PHF24: variants seen among roughly 807,000 people sequenced by gnomAD.
PHF24 encodes Galpha inhibitory interacting protein.
A neutral mutation model predicts 42.6 loss-of-function variants in PHF24; 25 were observed. The ratio of observed to expected loss-of-function variants is 0.59; its 90% CI spans 0.43 to 0.82. The LOEUF is 0.82. PHF24 is among the 40% of genes least tolerant of loss of function. PHF24 has a pLI of 0.00. For missense variants in PHF24, 470 were observed against 538.1 expected (o/e 0.87, Z 1.25); for synonymous variants, 185 against 204.8 (o/e 0.90, Z 0.83).
At chr9:34,804,229 G>A in the PHF24 span, among the ~76,000 whole-genome samples, 131 of 152,310 alleles carry the variant, frequency 8.6e-4, no homozygotes, top group African/African-American at 3.0e-3. Flanking sequence ...AGAGAGTTCA[G>A]CAATCTGAAG....
At chr9:34,934,489 A>C in the PHF24 span, among the ~76,000 whole-genome samples, 1 of 151,960 alleles carries the variant, frequency 6.6e-6, no homozygotes, top group Non-Finnish European at 1.5e-5. Context: ...GCTGTCCCTC[A>C]TTCCTCCCAG....
At chr9:34,835,692 C>A in the PHF24 span, 6 of 1,551,218 alleles carry the variant, frequency 3.9e-6, no homozygotes, top group South Asian at 7.1e-5. Flanking sequence ...CCGGCCCTAG[C>A]TGGAGGTGAT....
the PHF24 span, among the ~76,000 whole-genome samples, chr9:34,829,259 G>A: frequency 2.0e-5 from 3 of 152,168 alleles, no homozygotes; most frequent in Non-Finnish European, 4.4e-5. Context: ...TACCATGATT[G>A]GAGCAGATTT....
chr9:34,779,059 G>C, the PHF24 span, among the ~76,000 whole-genome samples: 1 of 151,996 alleles, frequency 6.6e-6, no homozygotes, highest in South Asian at 2.1e-4. Context: ...AATACTTTGA[G>C]GTAAAGATAA....
exon 8 of PHF24, chr9:34,978,611 G>A (rs1406129947): frequency 6.5e-6 from 1 of 154,524 alleles, no homozygotes; most frequent in African/African-American, 2.4e-5. Context: ...TAGAGCTCCT[G>A]GAGATCCTAA....
the PHF24 span, among the ~76,000 whole-genome samples, chr9:34,925,318 T>C: frequency 1.3e-5 from 2 of 152,246 alleles, no homozygotes; most frequent in African/African-American, 4.8e-5. Flanking sequence ...TTGACTATAA[T>C]GTTCCTCAGA....
chr9:34,936,141 G>A, the PHF24 span, among the ~76,000 whole-genome samples: 1 of 150,586 alleles, frequency 6.6e-6, no homozygotes, highest in Admixed American at 6.6e-5. Flanking sequence ...CTGTACTGCC[G>A]CCATCTCGGC....
the PHF24 span, among the ~76,000 whole-genome samples, chr9:34,848,739 G>A: frequency 6.6e-6 from 1 of 151,618 alleles, no homozygotes; most frequent in African/African-American, 2.4e-5. Context: ...TGGGCATTTA[G>A]TGCTATAAAT....
chr9:34,849,877 A>T, the PHF24 span, among the ~76,000 whole-genome samples: 1 of 152,004 alleles, frequency 6.6e-6, no homozygotes, highest in African/African-American at 2.4e-5. Context: ...GTTTGGCTGG[A>T]TATGAAATTC....
chr9:34,828,951 C>CTA, the PHF24 span, among the ~76,000 whole-genome samples: 5 of 151,982 alleles, frequency 3.3e-5, no homozygotes, highest in East Asian at 1.9e-4. Context: ...ATATCTATGT[C>CTA]TGTCTGTCAT....
chr9:34,713,517 A>G, the PHF24 span, among the ~76,000 whole-genome samples: 1 of 152,048 alleles, frequency 6.6e-6, no homozygotes, highest in Non-Finnish European at 1.5e-5. Flanking sequence ...CCTGCTTGTT[A>G]TAAGTGTCCA....
chr9:34,960,536 A>T (rs1041433315), intron 1 of PHF24, among the ~76,000 whole-genome samples: 5 of 152,200 alleles, frequency 3.3e-5, no homozygotes, highest in Non-Finnish European at 7.3e-5. Context: ...AGATCAGAAT[A>T]AATAGGTAGG....
the PHF24 span, among the ~76,000 whole-genome samples, chr9:34,801,840 A>C: frequency 6.6e-6 from 1 of 151,272 alleles, no homozygotes; most frequent in Non-Finnish European, 1.5e-5. Flanking sequence ...GTTCTCACTC[A>C]TAAGTGGGAG....
chr9:34,918,002 A>G, the PHF24 span: 1 of 1,335,750 alleles, frequency 7.5e-7, no homozygotes, highest in Non-Finnish European at 1.1e-6. Flanking sequence ...CCATCAAGAA[A>G]TTAAGCAAGC....
chr9:34,963,543 C>T (rs918479775), intron 1 of PHF24, among the ~76,000 whole-genome samples: 2 of 152,060 alleles, frequency 1.3e-5, no homozygotes, highest in Non-Finnish European at 2.9e-5. Flanking sequence ...AAACCCAGGA[C>T]AAAGGAAGTG....
At chr9:34,687,344 A>G in the PHF24 span, among the ~76,000 whole-genome samples, 1 of 152,060 alleles carries the variant, frequency 6.6e-6, no homozygotes, top group African/African-American at 2.4e-5. Flanking sequence ...TGTCTATGCA[A>G]ATGCTGGCGG....
At chr9:34,888,521 G>A in the PHF24 span, among the ~76,000 whole-genome samples, 1 of 152,322 alleles carries the variant, frequency 6.6e-6, no homozygotes, top group Non-Finnish European at 1.5e-5. Flanking sequence ...CAGGCAACAG[G>A]ACTAGAGTGG....
chr9:34,763,073 C>A, the PHF24 span, among the ~76,000 whole-genome samples: 1 of 152,098 alleles, frequency 6.6e-6, no homozygotes, highest in Non-Finnish European at 1.5e-5. Flanking sequence ...GTTTTGGTAC[C>A]AGTACCATGC....
chr9:34,967,800 C>T (rs1826831991), intron 1 of PHF24, among the ~76,000 whole-genome samples: 1 of 152,194 alleles, frequency 6.6e-6, no homozygotes, highest in Admixed American at 6.5e-5. Flanking sequence ...CCCCACCCCA[C>T]CCTGGCTAGA....
Sources: allele counts gnomAD v4.1 joint callset (sites outside exome capture counted in the v4.1 genomes callset), GRCh38; gene constraint gnomAD v4.1.1; transcripts MANE v1.5; gene names NCBI Gene and HGNC (gene_info 2026-07-23, HGNC 2026-07-21).